PCM1: variants seen among roughly 807,000 people sequenced by gnomAD.
The protein encoded by PCM1 is pericentriolar material 1.
Under a neutral mutation model 241.9 loss-of-function variants are expected in PCM1, and 157 were observed. That is an observed-to-expected ratio of 0.65 (90% confidence interval 0.57 to 0.74). PCM1 has a LOEUF of 0.74. Ranked by LOEUF, PCM1 falls within the 30% of genes least tolerant of loss-of-function variation. The probability of loss-of-function intolerance (pLI) is 0.00; values close to 1 mark genes in which losing one functional copy is unlikely to be tolerated. For missense variants in PCM1, 3,478 were observed against 2,360.1 expected (o/e 1.47, Z -9.81); for synonymous variants, 1,085 against 784.9 (o/e 1.38, Z -6.39).
intron 18 of PCM1, among the ~76,000 whole-genome samples, chr8:17,965,375 C>T (rs208056): frequency 0.77 from 117,875 of 152,140 alleles, 46,211 homozygotes; most frequent in African/African-American, 0.84. Flanking sequence ...GGGCTTGTTA[C>T]GGATAACAAA....
At chr8:17,990,214 C>G (rs1296905347) in intron 27 of PCM1, among the ~76,000 whole-genome samples, 2 of 151,982 alleles carry the variant, frequency 1.3e-5, no homozygotes, top group East Asian at 3.8e-4. Flanking sequence ...TTTAACCTAC[C>G]TTGCTATGTT....
chr8:17,983,967 G>A (rs945585835), intron 24 of PCM1, among the ~76,000 whole-genome samples: 3 of 151,956 alleles, frequency 2.0e-5, no homozygotes, highest in African/African-American at 2.4e-5. Context: ...TCTGAAAATA[G>A]GATATAAAAA....
chr8:17,943,731 A>C (rs1403005969), intron 6 of PCM1, among the ~76,000 whole-genome samples: 1 of 152,072 alleles, frequency 6.6e-6, no homozygotes, highest in South Asian at 2.1e-4. Flanking sequence ...CAGGGGAAAA[A>C]ATCTTAATTC....
chr8:17,955,654 G>C lies in PCM1; in HGVS notation c.1472+1G>C. 1 of 1,603,660 alleles carries C rather than the reference G, an allele frequency of 6.2e-7. No individual in the cohort carries two copies. Among genetic ancestry groups the C allele is most frequent in the Non-Finnish European group, 8.5e-7 (1 of 1,170,994 alleles). On this transcript the variant is annotated splice_donor_variant, in intron 10 of 38. Transcript: ENST00000325083. LOFTEE classifies it high-confidence loss of function. ...ACCTCAATCCATCTGAAAAACTCCA[G>C]TAAAACATTTATAATCATTGTTTAC...
chr8:17,934,950 G>T (rs1380486088), intron 2 of PCM1: 7 of 152,176 alleles, frequency 4.6e-5, no homozygotes, highest in African/African-American at 1.7e-4. Flanking sequence ...TCTTTACCAA[G>T]ATTTAGAGAA....
intron 23 of PCM1, among the ~76,000 whole-genome samples, chr8:17,977,160 T>G (rs2079055397): frequency 6.6e-6 from 1 of 152,214 alleles, no homozygotes; most frequent in South Asian, 2.1e-4. Flanking sequence ...TGTATGTTAT[T>G]AAATGAGCAA....
Position 17,948,325 on chromosome 8 carries a change from G to C in PCM1, c.961+962G>C, listed in dbSNP as rs2064648006. On this transcript the variant is annotated intron_variant, in intron 7 of 38. Coordinates refer to ENST00000325083, the MANE Select transcript of PCM1 (RefSeq NM_006197.4). Reference sequence around the variant, plus strand: ...TTTTTTTTTTTTTTTTTTTTTTGGAGACAGAGTTTTGCTCTGTTGCCCAGG... The same window carrying C: ...TTTTTTTTTTTTTTTTTTTTTTGGACACAGAGTTTTGCTCTGTTGCCCAGG... 3.4e-5 allele frequency among the ~76,000 whole-genome samples: 3 copies of C among 87,832 alleles called. No homozygotes were observed. In the South Asian group the frequency reaches 1.1e-3, roughly 33 times the overall value. 57.6% of individuals were successfully genotyped at this position (87,832 alleles called of 152,430 possible). A position where few individuals can be genotyped will look rare whatever the true frequency, so the allele number is the denominator to read the frequency against.
At chr8:18,000,614 G>T (rs2088985624) in intron 29 of PCM1, among the ~76,000 whole-genome samples, 1 of 150,240 alleles carries the variant, frequency 6.7e-6, no homozygotes, top group African/African-American at 2.4e-5. Context: ...GAAGAGCTCT[G>T]TTTTTTTTGA....
chr8:17,940,151 A>G (rs749143769), intron 6 of PCM1: 5 of 1,523,534 alleles, frequency 3.3e-6, no homozygotes, highest in South Asian at 2.4e-5. Context: ...GAGGCTTCAG[A>G]TACCACGGTA....
chr8:17,937,209 A>G lies in PCM1; in HGVS notation c.172A>G (p.Lys58Glu), dbSNP rs765005446. Residue 58 changes from lysine (K) to glutamate (E), a missense_variant, in exon 4 of 39, where the codon AAA (lysine) becomes GAA (glutamate). Physicochemically the swap from Lys to Glu is moderately conservative, Grantham distance 56. Transcript: ENST00000325083. Reference protein sequence around the residue: ...NKKKFGVESDKRVTNDISPES... With the variant: ...NKKKFGVESDERVTNDISPES... ...GAAAAAGTTTGGTGTAGAAAGTGAT[A>G]AAAGAGTAACCAATGATATTTCTCC... 1.9e-6 allele frequency: 3 copies of G among 1,604,636 alleles called. No individual in the cohort carries two copies. Among genetic ancestry groups the G allele is most frequent in the South Asian group, 1.1e-5 (1 of 89,680 alleles).
chr8:17,972,254 A>G (rs1321017582), intron 22 of PCM1, 75 bp from the exon 23 acceptor site: 1 of 807,214 alleles, frequency 1.2e-6, no homozygotes, highest in African/African-American at 1.7e-5. Context: ...ACTCGAGTAG[A>G]CTATAAATTC....
chr8:17,967,266 G>C, intron 21 of PCM1, 96 bp downstream of exon 21: 1 of 831,254 alleles, frequency 1.2e-6, no homozygotes, highest in East Asian at 2.9e-5. Context: ...TTTTCTTTTG[G>C]AGTGGGGTAG....
chr8:18,025,757 G>C, intron 38 of PCM1, 99 bp downstream of exon 38: 1 of 669,572 alleles, frequency 1.5e-6, no homozygotes, highest in Non-Finnish European at 2.5e-6. Context: ...ACTGACCTGG[G>C]AGATTTAAGC....
chr8:17,939,301 T>C (rs2061346169), intron 5 of PCM1, among the ~76,000 whole-genome samples: 1 of 152,156 alleles, frequency 6.6e-6, no homozygotes. Flanking sequence ...GATTAATAGA[T>C]TTTTGTAGGA....
chr8:18,018,766 G>T (rs1379429175), intron 36 of PCM1, among the ~76,000 whole-genome samples: 1 of 148,840 alleles, frequency 6.7e-6, no homozygotes. Context: ...AGCTGAGATC[G>T]TGCCACTGCA....
At position 18,029,480 on chromosome 8, in the gene PCM1, C is replaced by A. The variant is rs773336781; in HGVS notation, c.*1818C>A. On this transcript the variant is annotated 3_prime_UTR_variant, in exon 39 of 39. Coordinates refer to ENST00000325083, the MANE Select transcript of PCM1 (RefSeq NM_006197.4). ...GTTTTGGTACTCAAGCCCAGCCTTA[C>A]ATACTGTGTTTCTCTCTCTGTCTGC... 9 of 216,300 alleles carry A rather than the reference C, an allele frequency of 4.2e-5. No homozygotes were observed. The highest frequency in any genetic ancestry group is 8.4e-5 in the Non-Finnish European group (9 of 107,254). The allele number at this position is 216,300 out of a possible 1,614,324, so 13.4% of individuals were successfully genotyped here.
intron 38 of PCM1, among the ~76,000 whole-genome samples, chr8:18,027,391 T>C (rs1316810268): frequency 6.6e-6 from 1 of 151,966 alleles, no homozygotes; most frequent in African/African-American, 2.4e-5. Context: ...TATAGTTGTT[T>C]TCTTTTCATA....
chr8:17,999,663 C>T (rs1347660736), intron 29 of PCM1, among the ~76,000 whole-genome samples: 2 of 152,154 alleles, frequency 1.3e-5, no homozygotes, highest in African/African-American at 4.8e-5. Flanking sequence ...ATGGTCTTTC[C>T]TACCCTCAGT....
At chr8:17,939,888 TATTA>T (rs2129450476) in intron 6 of PCM1, 27 bp downstream of exon 6, 1 of 1,344,508 alleles carries the variant, frequency 7.4e-7, no homozygotes, top group African/African-American at 1.6e-5. Context: ...TAAAATAACA[TATTA>T]TTTTTGTAGT....
Sources: gnomAD v4.1 joint callset for allele counts (sites outside exome capture counted in the v4.1 genomes callset) on GRCh38, gnomAD v4.1.1 for gene constraint, MANE v1.5 for transcripts, NCBI Gene and HGNC (gene_info 2026-07-23, HGNC 2026-07-21) for gene names.